Variants in CEP85L observed in about 807,000 individuals in gnomAD.
CEP85L encodes centrosomal protein of 85 kDa-like.
In CEP85L, 60 loss-of-function variants were observed where a neutral mutation model predicts 100.3. The observed-to-expected ratio is 0.60, with a 90% CI of 0.49 to 0.74. The LOEUF (loss-of-function observed/expected upper bound fraction) is 0.74, where lower values mean the gene tolerates loss of function less well. CEP85L is among the 30% of genes least tolerant of loss of function. The probability of loss-of-function intolerance (pLI) is 0.00; values close to 1 mark genes in which losing one functional copy is unlikely to be tolerated. For synonymous variants in CEP85L, 319 were observed against 322.7 expected, an observed-to-expected ratio of 0.99 and a Z score of 0.12; for missense variants, 973 against 936.2, an observed-to-expected ratio of 1.04 and a Z score of -0.51.
rs1772253264 is a variant in CEP85L at position 118,461,915 on chromosome 6, G to T, written c.*3490C>A. 6.6e-6 allele frequency: 1 copy of T among 152,008 alleles called. No individual in the cohort carries two copies. Among genetic ancestry groups the T allele is most frequent in the African/African-American group, 2.4e-5 (1 of 41,406 alleles). The allele number at this position is 152,008 out of a possible 1,614,324, so 9.4% of individuals were successfully genotyped here. ...TCCAAACTAAAGGTGTGCCTAAGCT[G>T]AACTATGCTGTGAAAATATAGTCCA... On this transcript the variant is annotated 3_prime_UTR_variant, in exon 13 of 13. Coordinates refer to ENST00000368491, the MANE Select transcript of CEP85L (RefSeq NM_001042475.3).
chr6:118,480,812 G>A (rs548751951), intron 8 of CEP85L, among the ~76,000 whole-genome samples: 1 of 152,120 alleles, frequency 6.6e-6, no homozygotes, highest in South Asian at 2.1e-4. Flanking sequence ...CCAAATCTGA[G>A]CTCTGAAGTC....
At chr6:118,537,569 T>A (rs375928622) in intron 3 of CEP85L, 1 of 985,168 alleles carries the variant, frequency 1.0e-6, no homozygotes, top group Non-Finnish European at 1.2e-6. Context: ...TGAGTAAGGA[T>A]AGCAGGCATC....
chr6:118,609,349 G>A (rs1772455702), intron 2 of CEP85L, among the ~76,000 whole-genome samples: 1 of 152,034 alleles, frequency 6.6e-6, no homozygotes, highest in African/African-American at 2.4e-5. Flanking sequence ...AATAATATCT[G>A]AAATATGAAT....
chr6:118,578,461 G>A (rs1780372558), intron 2 of CEP85L, among the ~76,000 whole-genome samples: 1 of 152,248 alleles, frequency 6.6e-6, no homozygotes, highest in Non-Finnish European at 1.5e-5. Context: ...GCCGGGAGCG[G>A]TGGCTCACGC....
chr6:118,474,644 A>AG (rs1347095619), intron 10 of CEP85L, among the ~76,000 whole-genome samples: 1 of 152,202 alleles, frequency 6.6e-6, no homozygotes, highest in African/African-American at 2.4e-5. Context: ...CAGCTACTAG[A>AG]GTGGGGGTAC....
intron 1 of CEP85L, among the ~76,000 whole-genome samples, chr6:118,705,126 A>G (rs1298075813): frequency 2.0e-5 from 3 of 152,088 alleles, no homozygotes; most frequent in African/African-American, 7.2e-5. Context: ...CTAAGTAACC[A>G]CATCACCCAC....
At chr6:118,641,522 T>C (rs1275363050) in intron 1 of CEP85L, among the ~76,000 whole-genome samples, 1 of 152,212 alleles carries the variant, frequency 6.6e-6, no homozygotes, top group Admixed American at 6.5e-5. Context: ...ATGTTACATA[T>C]ATATAACATA....
At position 118,603,904 on chromosome 6, in the gene CEP85L, C is replaced by T. The variant is rs1319592016; in HGVS notation, c.232+28549G>A. Reference sequence around the variant, plus strand: ...ATAGTAAAAAGTTTTAGGCCAGCCCCTATTAAAGCCACAGTAGATAAGGAA... The same window carrying T: ...ATAGTAAAAAGTTTTAGGCCAGCCCTTATTAAAGCCACAGTAGATAAGGAA... On this transcript the variant is annotated intron_variant, in intron 2 of 12. Coordinates refer to ENST00000368491, the MANE Select transcript of CEP85L (RefSeq NM_001042475.3). Among the ~76,000 whole-genome samples, 7 of 152,332 alleles carry T rather than the reference C, an allele frequency of 4.6e-5. No homozygotes were observed. The East Asian group carries it at 1.3e-3, about 29-fold the overall frequency.
rs1212236056 is a variant in CEP85L at position 118,611,381 on chromosome 6, AAAG to A, written c.232+21069_232+21071del. ...AAAGCAACTACTAGAAGAACTATAC[AAAG>A]AGAGACACTGAAAAACACAGATGAA... is the stretch of plus-strand genomic sequence containing the variant. On this transcript the variant is annotated intron_variant, in intron 2 of 12. Coordinates refer to ENST00000368491, the MANE Select transcript of CEP85L (RefSeq NM_001042475.3). 2.0e-5 allele frequency among the ~76,000 whole-genome samples: 3 copies of A among 152,328 alleles called. No individual in the cohort carries two copies. The East Asian group carries it at 5.8e-4, about 29-fold the overall frequency.
chr6:118,481,222 G>A (rs978125917), intron 8 of CEP85L, among the ~76,000 whole-genome samples: 5 of 150,380 alleles, frequency 3.3e-5, no homozygotes, highest in Non-Finnish European at 7.4e-5. Context: ...CCCCTTTTTC[G>A]TTATTTAGAA....
At chr6:118,558,710 G>T in intron 3 of CEP85L, 28 of 529,976 alleles carry the variant, frequency 5.3e-5, no homozygotes, top group Non-Finnish European at 7.8e-5. Flanking sequence ...ATAGAAACAT[G>T]ATGTTATAAA....
intron 6 of CEP85L, among the ~76,000 whole-genome samples, chr6:118,484,778 A>T (rs986504446): frequency 1.4e-4 from 21 of 152,222 alleles, no homozygotes; most frequent in Non-Finnish European, 2.5e-4. Context: ...TTACGTTAAC[A>T]GACTTGCAGA....
At chr6:118,657,594 C>T (rs1416692956) in intron 1 of CEP85L, among the ~76,000 whole-genome samples, 2 of 152,168 alleles carry the variant, frequency 1.3e-5, no homozygotes, top group African/African-American at 4.8e-5. Flanking sequence ...CCAGCCTGAG[C>T]GACAGAGTGA....
At chr6:118,490,305 A>T (rs1774472198) in intron 6 of CEP85L, among the ~76,000 whole-genome samples, 1 of 152,152 alleles carries the variant, frequency 6.6e-6, no homozygotes, top group Admixed American at 6.5e-5. Context: ...TACACTCAAA[A>T]ATTTGTTAAA....
rs1249342079 is a variant in CEP85L at position 118,477,856 on chromosome 6, T to G, written c.1914+2015A>C. ...TGATAGTCAAAATGCATAATTTATA[T>G]TAAAAATAATTGGGAGGTTCTCTGG... On this transcript the variant is annotated intron_variant, in intron 10 of 12. Transcript: ENST00000368491. Among the ~76,000 whole-genome samples, 5 of 152,248 alleles carry G rather than the reference T, an allele frequency of 3.3e-5. No homozygotes were observed. In the East Asian group the frequency reaches 9.6e-4, roughly 29 times the overall value.
At chr6:118,502,792 A>T in intron 5 of CEP85L, 1 of 622,066 alleles carries the variant, frequency 1.6e-6, no homozygotes, top group Non-Finnish European at 3.0e-6. Context: ...AAGTAACTCC[A>T]GGTGATATCG....
intron 3 of CEP85L, among the ~76,000 whole-genome samples, chr6:118,545,950 T>C (rs1474203518): frequency 6.6e-6 from 1 of 152,144 alleles, no homozygotes; most frequent in African/African-American, 2.4e-5. Flanking sequence ...CAAAAATACA[T>C]TCAAACTATA....
intron 4 of CEP85L, among the ~76,000 whole-genome samples, chr6:118,520,242 T>C (rs989594030): frequency 6.6e-6 from 1 of 152,226 alleles, no homozygotes; most frequent in Non-Finnish European, 1.5e-5. Context: ...AAAAAGACTC[T>C]ATACTGAAAA....
At chr6:118,682,726 A>C (rs1562357391) in intron 1 of CEP85L, among the ~76,000 whole-genome samples, 1 of 151,264 alleles carries the variant, frequency 6.6e-6, no homozygotes. Flanking sequence ...GGAAGAAAAA[A>C]AAAAAGCCCT....
Sources: gnomAD v4.1 joint callset for allele counts (sites outside exome capture counted in the v4.1 genomes callset) on GRCh38, gnomAD v4.1.1 for gene constraint, MANE v1.5 for transcripts, NCBI Gene and HGNC (gene_info 2026-07-23, HGNC 2026-07-21) for gene names.